The following EP400 variants were observed in gnomAD, a reference collection of about 807,000 sequenced individuals.
EP400 encodes the protein E1A binding protein p400.
In EP400, 105 loss-of-function variants were observed where a neutral mutation model predicts 354.1. That is an observed-to-expected ratio of 0.30 (90% CI 0.25 to 0.35). The LOEUF (loss-of-function observed/expected upper bound fraction) is 0.35. Among genes scored for constraint, EP400 ranks in the 10% least tolerant of loss-of-function variants. The pLI, the probability that EP400 is intolerant of heterozygous loss-of-function variation, is 1.00. For synonymous variants in EP400, 1,646 were observed against 1,716.9 expected, an observed-to-expected ratio of 0.96 and a Z score of 1.02; for missense variants, 3,280 against 4,121.0, an observed-to-expected ratio of 0.80 and a Z score of 5.59.
chr12:132,048,896 GCA>G (rs1895202923), intron 39 of EP400, among the ~76,000 whole-genome samples: 2 of 152,318 alleles, frequency 1.3e-5, no homozygotes, highest in South Asian at 4.1e-4. Context: ...AAGAGCCTGT[GCA>G]CAGAAACATA....
intron 51 of EP400, among the ~76,000 whole-genome samples, chr12:132,073,687 G>GTGA (rs1254210223): frequency 6.6e-6 from 1 of 151,696 alleles, no homozygotes; most frequent in African/African-American, 2.4e-5. Flanking sequence ...TCCTGACCTC[G>GTGA]TGATGCACCT....
rs1206037276 is a variant in EP400, at chr12:131,997,202, C to T, written c.2827+2246C>T. 8.5e-5 allele frequency among the ~76,000 whole-genome samples: 13 copies of T among 152,060 alleles called. No homozygotes were observed. The East Asian group carries it at 1.9e-3, about 22-fold the overall frequency. On this transcript the variant is annotated intron_variant, in intron 12 of 52. Coordinates refer to ENST00000389561, the MANE Select transcript of EP400 (RefSeq NM_015409.5). The stretch of plus-strand genomic sequence containing the variant: ...TCCTTCAAAACTTACTAATAGCCTA[C>T]TGTTGACTGGAAGCCTTATCAATAA...
chr12:132,011,663 C>T (rs1371254223), intron 16 of EP400, 29 bp downstream of exon 16: 11 of 1,571,780 alleles, frequency 7.0e-6, no homozygotes, highest in African/African-American at 1.4e-5. Flanking sequence ...TAAAATAAAG[C>T]TAAACAGAAA....
At chr12:132,006,326 TG>T (rs1446869816) in intron 14 of EP400, 24 bp downstream of exon 14, 3 of 1,610,646 alleles carry the variant, frequency 1.9e-6, no homozygotes, top group Admixed American at 1.7e-5. Context: ...CTTTCAAGTG[TG>T]GGATGGGCCT....
At position 131,982,430 on chromosome 12, in the gene EP400, A is replaced by C. The variant is rs189939278; in HGVS notation, c.1881A>C (p.Thr627=). 6.2e-7 allele frequency: 1 copy of C among 1,613,900 alleles called. No individual in the cohort carries two copies. The highest frequency in any genetic ancestry group is 1.3e-5 in the African/African-American group (1 of 75,006). ...QPAQLALHVP[T]PGKVQVQASQ... is the part of the protein sequence containing the mutation. ...CACAGCTGGCCCTCCACGTTCCCACACCTGGAAAGGTGCAGGTGCAGGCCT... is the reference window on the plus strand; with the variant it reads ...CACAGCTGGCCCTCCACGTTCCCACCCCTGGAAAGGTGCAGGTGCAGGCCT... The change falls in exon 5 of 53, where the codon ACA becomes ACC. Residue 627 remains threonine, a synonymous_variant. Coordinates refer to ENST00000389561, the MANE Select transcript of EP400 (RefSeq NM_015409.5).
chr12:131,990,595 T>G lies in EP400; in HGVS notation c.2551-41T>G. On this transcript the variant is annotated intron_variant, in intron 8 of 52. Coordinates refer to ENST00000389561, the MANE Select transcript of EP400 (RefSeq NM_015409.5). This position sits in a 1 kb window ranked among gnomAD's most constrained non-coding sequence, Gnocchi z 4.2. ...GTATGCAGAACGTCTGTAATTCCCA[T>G]CCTTAGTAATGTGCTTATTCATTTA... 1 of 1,438,930 alleles carries G rather than the reference T, an allele frequency of 6.9e-7. No homozygotes were observed. The highest frequency in any genetic ancestry group is 9.7e-7 in the Non-Finnish European group (1 of 1,034,334). 89.1% of individuals were successfully genotyped at this position (1,438,930 alleles called of 1,614,324 possible). A position where few individuals can be genotyped will look rare whatever the true frequency, so the allele number is the denominator to read the frequency against.
At chr12:132,062,869 A>G (rs1253047869) in intron 47 of EP400, among the ~76,000 whole-genome samples, 168 bp downstream of exon 47, 2 of 152,186 alleles carry the variant, frequency 1.3e-5, no homozygotes, top group East Asian at 3.8e-4. Flanking sequence ...AAAATTTCCC[A>G]TGTCATAACA....
rs1205819619 is a variant in EP400 at position 132,027,701 on chromosome 12, C to G, written c.5109+170C>G. ...AATAAAATAAATGAAACTGGACTTA[C>G]GACTGCCACAATCTTTTTTTGTATT... On this transcript the variant is annotated intron_variant, in intron 26 of 52. Coordinates refer to ENST00000389561, the MANE Select transcript of EP400 (RefSeq NM_015409.5). The surrounding 1 kb of genome is among the most constrained non-coding windows in gnomAD (Gnocchi z 4.9). Among the ~76,000 whole-genome samples the G allele has an allele frequency of 3.9e-5, 6 of 152,244 alleles. No homozygotes were observed. Among genetic ancestry groups the G allele is most frequent in the African/African-American group, 7.2e-5 (3 of 41,460 alleles).
rs1368053693 is a variant in EP400 at position 132,080,446 on chromosome 12, T to C, written c.*2773T>C. ...ATACCAAACAAAAGGCAAAATAAAG[T>C]GACCTTTTTATATATTTTTTCATTT... On this transcript the variant is annotated 3_prime_UTR_variant, in exon 53 of 53. Transcript: ENST00000389561. 6.6e-6 allele frequency: 1 copy of C among 152,636 alleles called. No individual in the cohort carries two copies. Among genetic ancestry groups the C allele is most frequent in the Non-Finnish European group, 1.5e-5 (1 of 68,030 alleles). The allele number at this position is 152,636 out of a possible 1,614,324, so 9.5% of individuals were successfully genotyped here. A position where few individuals can be genotyped will look rare whatever the true frequency, so the allele number is the denominator to read the frequency against.
rs573980927 is a variant in EP400 at position 132,079,432 on chromosome 12, G to T, written c.*1759G>T. 4 of 152,400 alleles carry T rather than the reference G, an allele frequency of 2.6e-5. No individual in the cohort carries two copies. The highest frequency in any genetic ancestry group is 9.6e-5 in the African/African-American group (4 of 41,594). The allele number at this position is 152,400 out of a possible 1,614,324, so 9.4% of individuals were successfully genotyped here. On this transcript the variant is annotated 3_prime_UTR_variant, in exon 53 of 53. Transcript: ENST00000389561. Reference sequence around the variant, plus strand: ...GTGTGCGCCTCACATCTGGCTCCCAGTGGAAACTTTTACTCCTCCTCATCC... The same window carrying T: ...GTGTGCGCCTCACATCTGGCTCCCATTGGAAACTTTTACTCCTCCTCATCC...
At chr12:131,953,591 C>T (rs1041242592) in intron 1 of EP400, among the ~76,000 whole-genome samples, 3 of 152,144 alleles carry the variant, frequency 2.0e-5, no homozygotes, top group African/African-American at 7.2e-5. Flanking sequence ...TTTTCAAATT[C>T]AGTTTAGCCC....
chr12:131,953,438 A>T (rs1451682752), intron 1 of EP400, among the ~76,000 whole-genome samples: 1 of 152,218 alleles, frequency 6.6e-6, no homozygotes, highest in African/African-American at 2.4e-5. Flanking sequence ...TACCTCCATG[A>T]TTTAAAATCC....
chr12:131,976,700 ACT>A (rs1892486666), intron 2 of EP400, among the ~76,000 whole-genome samples: 1 of 152,118 alleles, frequency 6.6e-6, no homozygotes, highest in South Asian at 2.1e-4. Flanking sequence ...ACAGAGCGAG[ACT>A]CTGTCTCAAA....
At chr12:131,965,546 G>C (rs1009250138) in intron 2 of EP400, among the ~76,000 whole-genome samples, 6 of 152,198 alleles carry the variant, frequency 3.9e-5, no homozygotes, top group Admixed American at 3.3e-4. Context: ...CTGTACTTGT[G>C]AATTTTGACG....
At chr12:132,044,595 T>C in intron 35 of EP400, 76 bp from the exon 36 acceptor site, 1 of 1,548,838 alleles carries the variant, frequency 6.5e-7, no homozygotes, top group Non-Finnish European at 8.9e-7. Flanking sequence ...TTAATGAGTA[T>C]GAAGGTACAT....
At chr12:132,065,152 A>G (rs181376484) in intron 48 of EP400, 23 of 610,276 alleles carry the variant, frequency 3.8e-5, no homozygotes, top group Non-Finnish European at 8.3e-6. Flanking sequence ...GCGAGGTGAG[A>G]TGCAGCCTGC....
Position 131,990,824 on chromosome 12 carries a change from C to T in EP400, c.2629+110C>T. 2.7e-6 allele frequency: 2 copies of T among 742,188 alleles called. No individual in the cohort carries two copies. Among genetic ancestry groups the T allele is most frequent in the East Asian group, 2.5e-5 (1 of 40,524 alleles). The allele number at this position is 742,188 out of a possible 1,614,324, so 46.0% of individuals were successfully genotyped here. A position where few individuals can be genotyped will look rare whatever the true frequency, so the allele number is the denominator to read the frequency against. On this transcript the variant is annotated intron_variant, in intron 9 of 52. Transcript: ENST00000389561. This position sits in a 1 kb window ranked among gnomAD's most constrained non-coding sequence, Gnocchi z 4.2. ...TGGCTTCCCACAGAGGACATCTGCT[C>T]ATCAGCCAGCTGCCTGATTGTTACA...
intron 39 of EP400, among the ~76,000 whole-genome samples, chr12:132,047,726 A>G (rs970580054): frequency 1.3e-5 from 2 of 152,226 alleles, no homozygotes; most frequent in Admixed American, 1.3e-4. Context: ...ACATCTTATC[A>G]GGAAACAGGG....
At chr12:131,997,526 G>A (rs1201270392) in intron 12 of EP400, among the ~76,000 whole-genome samples, 1 of 152,032 alleles carries the variant, frequency 6.6e-6, no homozygotes, top group East Asian at 1.9e-4. Context: ...AAAGTGCTGG[G>A]TTTACAGGTG....
Sources: gnomAD v4.1 joint callset for allele counts (sites outside exome capture counted in the v4.1 genomes callset) on GRCh38, gnomAD v4.1.1 for gene constraint, Gnocchi (gnomAD v3.1) non-coding constraint, MANE v1.5 for transcripts, NCBI Gene and HGNC (gene_info 2026-07-23, HGNC 2026-07-21) for gene names.